RSU1: variants seen among roughly 807,000 people sequenced by gnomAD.
The protein encoded by RSU1 is rsu-1.
RSU1 carries 26 observed loss-of-function variants against 31.1 expected under a neutral mutation model. The ratio of observed to expected loss-of-function variants is 0.84; its 90% CI spans 0.61 to 1.16. RSU1 has a LOEUF of 1.16. Ranked by LOEUF, RSU1 falls within the 50% of genes most tolerant of loss-of-function variation. The pLI is 0.00. For missense variants in RSU1, 320 were observed against 339.1 expected, an observed-to-expected ratio of 0.94 and a Z score of 0.44; for synonymous variants, 164 against 136.3, an observed-to-expected ratio of 1.20 and a Z score of -1.41.
chr10:16,716,186 C>T (rs979984209), intron 7 of RSU1, among the ~76,000 whole-genome samples: 2 of 152,078 alleles, frequency 1.3e-5, no homozygotes, highest in Non-Finnish European at 2.9e-5. Flanking sequence ...AAAGGAAGAA[C>T]GGGTCTAGAT....
At chr10:16,809,118 C>A (rs928164771) in intron 2 of RSU1, among the ~76,000 whole-genome samples, 3 of 152,182 alleles carry the variant, frequency 2.0e-5, no homozygotes, top group African/African-American at 7.2e-5. Context: ...CTATTATTGG[C>A]CTTTTGGGCT....
chr10:16,719,385 C>G (rs1006462520), intron 7 of RSU1, among the ~76,000 whole-genome samples: 7 of 152,176 alleles, frequency 4.6e-5, no homozygotes, highest in Non-Finnish European at 8.8e-5. Context: ...TTTCCAGTCC[C>G]TTTCCATCAG....
chr10:16,805,263 A>C (rs770196670), intron 2 of RSU1, among the ~76,000 whole-genome samples: 1 of 152,208 alleles, frequency 6.6e-6, no homozygotes, highest in Non-Finnish European at 1.5e-5. Context: ...TAGCAAACGT[A>C]ACACACCAAT....
intron 8 of RSU1, among the ~76,000 whole-genome samples, chr10:16,610,753 C>T (rs190249776): frequency 2.0e-5 from 3 of 152,228 alleles, no homozygotes; most frequent in African/African-American, 7.2e-5. Flanking sequence ...AAGTGCTTGA[C>T]ACATCCCAAA....
chr10:16,606,015 G>A (rs1225444745), intron 8 of RSU1, among the ~76,000 whole-genome samples: 4 of 152,030 alleles, frequency 2.6e-5, no homozygotes. Flanking sequence ...AGCCTCCCAA[G>A]GTGCTGGGAT....
intron 2 of RSU1, among the ~76,000 whole-genome samples, chr10:16,788,943 C>A (rs1307311748): frequency 6.6e-6 from 1 of 152,162 alleles, no homozygotes; most frequent in African/African-American, 2.4e-5. Context: ...TGTCTCACAC[C>A]TGCAGACCAT....
intron 2 of RSU1, among the ~76,000 whole-genome samples, chr10:16,788,365 G>A (rs775912652): frequency 4.6e-5 from 7 of 152,164 alleles, no homozygotes; most frequent in Non-Finnish European, 1.0e-4. Flanking sequence ...CCAGTGTATG[G>A]TATTGGGAGG....
At chr10:16,802,084 C>A (rs1181887768) in intron 2 of RSU1, among the ~76,000 whole-genome samples, 2 of 150,422 alleles carry the variant, frequency 1.3e-5, no homozygotes, top group East Asian at 1.9e-4. Flanking sequence ...AAAATTAGGG[C>A]AGAAATCAGT....
intron 8 of RSU1, among the ~76,000 whole-genome samples, chr10:16,609,674 T>C (rs891459062): frequency 3.9e-5 from 6 of 152,222 alleles, no homozygotes; most frequent in African/African-American, 1.4e-4. Context: ...AATCGTCTCC[T>C]ACTACCCCAA....
chr10:16,814,257 T>G (rs371466309), intron 2 of RSU1, among the ~76,000 whole-genome samples: 1 of 151,970 alleles, frequency 6.6e-6, no homozygotes, highest in Non-Finnish European at 1.5e-5. Context: ...CTGGGCAGCA[T>G]AGCAAGACCC....
chr10:16,635,813 C>A (rs903707350), intron 8 of RSU1, among the ~76,000 whole-genome samples: 1 of 152,238 alleles, frequency 6.6e-6, no homozygotes, highest in African/African-American at 2.4e-5. Context: ...CTTCTAGCCC[C>A]ATTTCGTCAC....
Position 16,592,011 on chromosome 10 carries a change from G to A in RSU1, c.*1383C>T, listed in dbSNP as rs1217950465. ...TTAGACCTTGCTCTGTGGCCTCTCT[G>A]ATTGAAATGCGAAGTCTGTTTCCTA... On this transcript the variant is annotated 3_prime_UTR_variant, in exon 9 of 9. Transcript: ENST00000345264. 1.3e-5 allele frequency: 2 copies of A among 152,242 alleles called. No individual in the cohort carries two copies. Among genetic ancestry groups the A allele is most frequent in the Non-Finnish European group, 1.5e-5 (1 of 68,054 alleles). The allele number at this position is 152,242 out of a possible 1,614,324, so 9.4% of individuals were successfully genotyped here. A position where few individuals can be genotyped will look rare whatever the true frequency, so the allele number is the denominator to read the frequency against.
intron 7 of RSU1, among the ~76,000 whole-genome samples, chr10:16,737,506 A>G (rs1005427837): frequency 2.0e-5 from 3 of 152,032 alleles, no homozygotes; most frequent in African/African-American, 7.2e-5. Context: ...TCCTGAAAAA[A>G]AATTCCTCCA....
intron 3 of RSU1, among the ~76,000 whole-genome samples, chr10:16,766,985 C>T (rs1356681452): frequency 6.6e-6 from 1 of 151,006 alleles, no homozygotes; most frequent in Non-Finnish European, 1.5e-5. Flanking sequence ...CAAGCCATTA[C>T]ACTCCAGCCC....
At chr10:16,813,556 C>T (rs74536720) in intron 2 of RSU1, among the ~76,000 whole-genome samples, 3,589 of 152,248 alleles carry the variant, frequency 0.024, 118 homozygotes, top group African/African-American at 0.08. Context: ...TTGCATTTAA[C>T]GCAAACCATT....
At chr10:16,678,429 G>C (rs1835271589) in intron 8 of RSU1, among the ~76,000 whole-genome samples, 1 of 152,106 alleles carries the variant, frequency 6.6e-6, no homozygotes, top group Admixed American at 6.6e-5. Context: ...CTTTCAAATT[G>C]TCTCTTTCCA....
intron 7 of RSU1, among the ~76,000 whole-genome samples, chr10:16,751,835 AAAGAT>A (rs1201235747): frequency 2.6e-5 from 4 of 152,218 alleles, no homozygotes; most frequent in African/African-American, 9.6e-5. Context: ...CTGCACAAGA[AAAGAT>A]AAGGGAACTC....
intron 7 of RSU1, among the ~76,000 whole-genome samples, chr10:16,709,651 G>C (rs1322939160): frequency 6.6e-6 from 1 of 152,154 alleles, no homozygotes; most frequent in African/African-American, 2.4e-5. Context: ...ATCCTCTCCA[G>C]CACCTGTTGT....
chr10:16,632,951 A>T (rs935424374), intron 8 of RSU1, among the ~76,000 whole-genome samples: 19 of 151,500 alleles, frequency 1.3e-4, no homozygotes, highest in Non-Finnish European at 1.5e-4. Context: ...AACAAAATTT[A>T]AAAAAAAACC....
Sources: gnomAD v4.1 joint callset for allele counts (sites outside exome capture counted in the v4.1 genomes callset) on GRCh38, gnomAD v4.1.1 for gene constraint, MANE v1.5 for transcripts, NCBI Gene and HGNC (gene_info 2026-07-23, HGNC 2026-07-21) for gene names.